The following NDUFAF2 variants were observed in gnomAD, a reference collection of about 807,000 sequenced individuals.
The protein encoded by NDUFAF2 is NADH dehydrogenase [ubiquinone] 1 alpha subcomplex assembly factor 2.
NDUFAF2 carries 13 observed loss-of-function variants against 22.8 expected under a neutral mutation model. That is an observed-to-expected ratio of 0.57 (90% CI 0.37 to 0.91). The LOEUF (loss-of-function observed/expected upper bound fraction) is 0.91. Ranked by LOEUF, NDUFAF2 falls within the 40% of genes least tolerant of loss-of-function variation. NDUFAF2 has a pLI of 0.01. For missense variants in NDUFAF2, 162 were observed against 195.2 expected (o/e 0.83, Z 1.01); for synonymous variants, 53 against 64.2 (o/e 0.83, Z 0.84).
In NDUFAF2 at chr5:60,977,845, A is replaced by AAAG. The variant is rs1311841680; in HGVS notation, c.127+32465_127+32466insGAA. On this transcript the variant is annotated intron_variant, in intron 1 of 3. Coordinates refer to ENST00000296597, the MANE Select transcript of NDUFAF2 (RefSeq NM_174889.5). ...GAACAAGACTCTGTCTCAAAAAAAAAAAAAAAAGAAAAGAAGCCACCAGCA... is the reference window on the plus strand; with the variant it reads ...GAACAAGACTCTGTCTCAAAAAAAAAAAGAAAAAAAGAAAAGAAGCCACCAGCA... Among the ~76,000 whole-genome samples, 17 of 151,696 alleles carry AAAG rather than the reference A, an allele frequency of 1.1e-4. No homozygotes were observed. The East Asian group carries it at 3.1e-3, about 28-fold the overall frequency.
intron 1 of NDUFAF2, among the ~76,000 whole-genome samples, chr5:60,978,517 T>C (rs761847342): frequency 1.3e-5 from 2 of 151,918 alleles, no homozygotes; most frequent in Non-Finnish European, 2.9e-5. Flanking sequence ...GAGCAAGCAG[T>C]TGGGGGAGGT....
chr5:61,027,723 A>G (rs1292184239), intron 1 of NDUFAF2, among the ~76,000 whole-genome samples: 1 of 151,888 alleles, frequency 6.6e-6, no homozygotes, highest in African/African-American at 2.4e-5. Flanking sequence ...TCCAAAATAT[A>G]TTAGCTTAAC....
At chr5:61,136,414 A>G (rs1225734512) in intron 3 of NDUFAF2, among the ~76,000 whole-genome samples, 2 of 152,104 alleles carry the variant, frequency 1.3e-5, no homozygotes, top group African/African-American at 4.8e-5. Flanking sequence ...TCTCTCCAGT[A>G]CAGTCTGCAT....
intron 3 of NDUFAF2, among the ~76,000 whole-genome samples, chr5:61,124,872 A>G (rs1196586369): frequency 3.3e-5 from 5 of 152,110 alleles, no homozygotes; most frequent in African/African-American, 9.7e-5. Flanking sequence ...GGTTTAATGG[A>G]CGCACAGTTC....
At chr5:60,986,717 T>C (rs1751083407) in intron 1 of NDUFAF2, among the ~76,000 whole-genome samples, 1 of 151,630 alleles carries the variant, frequency 6.6e-6, no homozygotes, top group African/African-American at 2.4e-5. Flanking sequence ...GATCACAGGG[T>C]CAGGAGTTTA....
intron 1 of NDUFAF2, among the ~76,000 whole-genome samples, chr5:60,999,760 A>G (rs1474481747): frequency 3.9e-5 from 6 of 152,088 alleles, no homozygotes; most frequent in Non-Finnish European, 2.9e-5. Flanking sequence ...AGTTTGTAGG[A>G]TGAATGCTGT....
chr5:60,955,934 A>C (rs1447055159), intron 1 of NDUFAF2, among the ~76,000 whole-genome samples: 1 of 131,302 alleles, frequency 7.6e-6, no homozygotes, highest in Non-Finnish European at 1.6e-5. Flanking sequence ...TTTTTTTTTG[A>C]GATAGAGTCT....
At position 61,045,056 on chromosome 5, in the gene NDUFAF2, G is replaced by GTAAAATAAAATTATTAAATTTTAATAAAA. The variant is rs1554081100; in HGVS notation, c.128-28060_128-28059insATTATTAAATTTTAATAAAATAAAATAAA. ...TTAATTTAATTAACATTTTAATAAA[G>GTAAAATAAAATTATTAAATTTTAATAAAA]TAAAATAAAGTTTTATTAAAATTTA... is the stretch of plus-strand genomic sequence containing the variant. On this transcript the variant is annotated intron_variant, in intron 1 of 3. Transcript: ENST00000296597. Among the ~76,000 whole-genome samples, 2 of 128,680 alleles carry GTAAAATAAAATTATTAAATTTTAATAAAA rather than the reference G, an allele frequency of 1.6e-5. 1 individual carries two copies. Among genetic ancestry groups the GTAAAATAAAATTATTAAATTTTAATAAAA allele is most frequent in the Admixed American group, 1.6e-4 (2 of 12,754 alleles). 84.4% of individuals were successfully genotyped at this position (128,680 alleles called of 152,430 possible). A position where few individuals can be genotyped will look rare whatever the true frequency, so the allele number is the denominator to read the frequency against.
chr5:60,985,304 G>T (rs929986634), intron 1 of NDUFAF2, among the ~76,000 whole-genome samples: 3 of 148,106 alleles, frequency 2.0e-5, no homozygotes, highest in Non-Finnish European at 3.1e-5. Flanking sequence ...TGTTAGTCTT[G>T]CTAGTGGTCT....
chr5:61,130,471 G>T (rs996913414), intron 3 of NDUFAF2, among the ~76,000 whole-genome samples: 1 of 152,114 alleles, frequency 6.6e-6, no homozygotes, highest in African/African-American at 2.4e-5. Context: ...TGAACCGGAA[G>T]AATTTCCCCA....
chr5:60,953,924 G>T (rs957745107), intron 1 of NDUFAF2, among the ~76,000 whole-genome samples: 1 of 152,056 alleles, frequency 6.6e-6, no homozygotes, highest in Non-Finnish European at 1.5e-5. Flanking sequence ...CACATACTTT[G>T]TATGTGCCCT....
At chr5:61,121,904 C>T (rs1167412377) in intron 3 of NDUFAF2, among the ~76,000 whole-genome samples, 1 of 150,100 alleles carries the variant, frequency 6.7e-6, no homozygotes, top group Non-Finnish European at 1.5e-5. Context: ...GATCTCAGCT[C>T]ACTGCAACCT....
chr5:60,984,755 T>C (rs1751045636), intron 1 of NDUFAF2, among the ~76,000 whole-genome samples: 2 of 152,226 alleles, frequency 1.3e-5, no homozygotes, highest in African/African-American at 4.8e-5. Context: ...CACTTGATCA[T>C]GGTGGATAAG....
chr5:61,130,873 A>AATACCAGAATACCAAT (rs1274855336), intron 3 of NDUFAF2, among the ~76,000 whole-genome samples: 1 of 152,184 alleles, frequency 6.6e-6, no homozygotes, highest in Non-Finnish European at 1.5e-5. Context: ...AACAATACGA[A>AATACCAGAATACCAAT]ACAGTACCAG....
chr5:60,945,704 C>T (rs1329502504), intron 1 of NDUFAF2, among the ~76,000 whole-genome samples: 1 of 152,344 alleles, frequency 6.6e-6, no homozygotes, highest in East Asian at 1.9e-4. Flanking sequence ...AGAGGAGCCT[C>T]AGTTTTAGCC....
intron 1 of NDUFAF2, among the ~76,000 whole-genome samples, chr5:61,011,535 G>T (rs1442255780): frequency 6.6e-6 from 1 of 152,062 alleles, no homozygotes; most frequent in African/African-American, 2.4e-5. Flanking sequence ...AATATCTGTT[G>T]CTGCGTGGTG....
chr5:60,963,382 C>T (rs137860916), intron 1 of NDUFAF2, among the ~76,000 whole-genome samples: 1 of 152,312 alleles, frequency 6.6e-6, no homozygotes, highest in African/African-American at 2.4e-5. Context: ...CTGCAACTTG[C>T]CTTCCCCTCA....
chr5:61,038,585 C>T (rs1751832052), intron 1 of NDUFAF2, among the ~76,000 whole-genome samples: 1 of 152,124 alleles, frequency 6.6e-6, no homozygotes, highest in Non-Finnish European at 1.5e-5. Context: ...AATCTAAAAG[C>T]ATTGCTAATT....
At chr5:61,027,273 C>T (rs184338392) in intron 1 of NDUFAF2, among the ~76,000 whole-genome samples, 1 of 149,538 alleles carries the variant, frequency 6.7e-6, no homozygotes, top group African/African-American at 2.4e-5. Context: ...ATTTCTGCTA[C>T]CTGTGCTTAA....
Sources: gnomAD v4.1 joint callset for allele counts (sites outside exome capture counted in the v4.1 genomes callset) on GRCh38, gnomAD v4.1.1 for gene constraint, MANE v1.5 for transcripts, NCBI Gene and HGNC (gene_info 2026-07-23, HGNC 2026-07-21) for gene names.